Variants in U2SURP observed in about 807,000 individuals in gnomAD.
The protein encoded by U2SURP is U2 snRNP-associated SURP motif-containing protein.
A neutral mutation model predicts 144.9 loss-of-function variants in U2SURP; 9 were observed. That is an observed-to-expected ratio of 0.06 (90% confidence interval 0.04 to 0.11). U2SURP has a LOEUF of 0.11. Ranked by LOEUF, U2SURP falls within the 10% of genes least tolerant of loss-of-function variation. The pLI is 1.00. For synonymous variants in U2SURP, 408 were observed against 396.8 expected, an observed-to-expected ratio of 1.03 and a Z score of -0.33; for missense variants, 724 against 1,226.7, an observed-to-expected ratio of 0.59 and a Z score of 6.12.
chr3:143,050,617 T>C (rs2045306), intron 24 of U2SURP, among the ~76,000 whole-genome samples: 102,617 of 152,014 alleles, frequency 0.68, 34,848 homozygotes, highest in African/African-American at 0.75. Flanking sequence ...ATGCTGGCAG[T>C]GTGCGTGTCT....
At position 143,052,078 on chromosome 3, in the gene U2SURP, T is replaced by A. The variant is rs539576862; in HGVS notation, c.2655+1029T>A. ...TCTATATATTTGGAAAAAAGATAAA[T>A]GAGATTTTGTAAAAGATGCTACTTA... On this transcript the variant is annotated intron_variant, in intron 25 of 27. Coordinates refer to ENST00000473835, the MANE Select transcript of U2SURP (RefSeq NM_001080415.2). 2.6e-5 allele frequency among the ~76,000 whole-genome samples: 4 copies of A among 152,132 alleles called. No homozygotes were observed. In the East Asian group the frequency reaches 7.7e-4, roughly 29 times the overall value.
In U2SURP at chr3:143,055,118, A is replaced by G; in HGVS notation, c.2950A>G (p.Arg984Gly). ...TAGAGATGTTAGCAAAAAAGCCAAA[A>G]GGTAAATGCAAGTCATTTTTGCTAA... is the stretch of plus-strand genomic sequence containing the variant. ...SPRDVSKKAKRSPSGSRTPKR... is the reference protein window; with the variant it reads ...SPRDVSKKAKGSPSGSRTPKR... The change falls in exon 27 of 28, where the codon AGA becomes GGA. Residue 984 changes from arginine to glycine, a missense_variant and splice_region_variant. Transcript: ENST00000473835. The G allele has an allele frequency of 6.3e-7, 1 of 1,580,446 alleles. No individual in the cohort carries two copies. The highest frequency in any genetic ancestry group is 8.6e-7 in the Non-Finnish European group (1 of 1,167,632).
chr3:143,054,895 C>A (rs758497325), intron 26 of U2SURP, 48 bp from the exon 27 acceptor site: 3 of 1,497,454 alleles, frequency 2.0e-6, no homozygotes, highest in African/African-American at 1.4e-5. Flanking sequence ...AAATGAATAC[C>A]CGATCCTTTG....
At chr3:143,031,973 A>G (rs1479739905) in intron 16 of U2SURP, among the ~76,000 whole-genome samples, 1 of 152,192 alleles carries the variant, frequency 6.6e-6, no homozygotes, top group Non-Finnish European at 1.5e-5. Context: ...ACTGGAATAC[A>G]GTCAATTCCC....
intron 3 of U2SURP, among the ~76,000 whole-genome samples, chr3:143,013,140 T>C (rs571308481): frequency 6.6e-6 from 1 of 152,138 alleles, no homozygotes; most frequent in East Asian, 1.9e-4. Flanking sequence ...TAGTTTCCTT[T>C]GCCACATCTC....
intron 24 of U2SURP, among the ~76,000 whole-genome samples, chr3:143,045,450 G>T (rs1578163040): frequency 2.0e-5 from 3 of 149,922 alleles, no homozygotes; most frequent in African/African-American, 7.4e-5. Flanking sequence ...GAGTTAAATA[G>T]AAGTGTATTT....
chr3:143,043,578 T>G (rs898800421), intron 24 of U2SURP, among the ~76,000 whole-genome samples: 3 of 152,148 alleles, frequency 2.0e-5, no homozygotes, highest in African/African-American at 7.2e-5. Context: ...GCTTGCTTAT[T>G]TAATGTCTGT....
rs961762309 is a variant in U2SURP at position 143,016,171 on chromosome 3, G to T, written c.322-86G>T. Reference sequence around the variant, plus strand: ...CTTAACCTGGGAAGGGAGGGTTTTCGTCCATATTATTCCTTGATGAATTTA... The same window carrying T: ...CTTAACCTGGGAAGGGAGGGTTTTCTTCCATATTATTCCTTGATGAATTTA... On this transcript the variant is annotated intron_variant, in intron 4 of 27. Transcript: ENST00000473835. 6 of 1,177,258 alleles carry T rather than the reference G, an allele frequency of 5.1e-6. No homozygotes were observed. The African/African-American group carries it at 9.2e-5, about 18-fold the overall frequency. The allele number at this position is 1,177,258 out of a possible 1,614,324, so 72.9% of individuals were successfully genotyped here.
At chr3:143,020,817 T>C in intron 8 of U2SURP, 124 bp downstream of exon 8, 1 of 670,002 alleles carries the variant, frequency 1.5e-6, no homozygotes. Context: ...TATACTATCC[T>C]TTTCCTTACA....
chr3:143,001,766 G>T (rs1935537785), intron 1 of U2SURP, 93 bp downstream of exon 1: 1 of 1,540,190 alleles, frequency 6.5e-7, no homozygotes, highest in Admixed American at 1.9e-5. Context: ...GATTGGGATT[G>T]GGGTCTGCAT....
chr3:143,050,019 A>T (rs1424314222), intron 24 of U2SURP, among the ~76,000 whole-genome samples: 2 of 152,080 alleles, frequency 1.3e-5, no homozygotes, highest in Non-Finnish European at 2.9e-5. Context: ...AATATCTTGT[A>T]AAATACCTTT....
At chr3:143,038,997 C>A (rs1933956777) in intron 23 of U2SURP, 37 bp downstream of exon 23, 4 of 1,301,796 alleles carry the variant, frequency 3.1e-6, no homozygotes, top group African/African-American at 3.1e-5. Flanking sequence ...GTTTCTTGTT[C>A]ATATACACTC....
At chr3:143,051,602 C>CAAAAAAAAAAAAAAAAAAAA (rs3041537) in intron 25 of U2SURP, among the ~76,000 whole-genome samples, 1 of 90,624 alleles carries the variant, frequency 1.1e-5, no homozygotes, top group Non-Finnish European at 2.1e-5. Context: ...ACTGTCGTTG[C>CAAAAAAAAAAAAAAAAAAAA]AAAAAAAAAA....
intron 16 of U2SURP, among the ~76,000 whole-genome samples, chr3:143,029,778 A>G (rs994704408): frequency 2.6e-5 from 4 of 152,244 alleles, no homozygotes; most frequent in African/African-American, 7.2e-5. Flanking sequence ...CAAGTTATCA[A>G]TGCAAAGGAA....
intron 20 of U2SURP, among the ~76,000 whole-genome samples, chr3:143,036,346 A>G (rs1353494237): frequency 1.3e-5 from 2 of 149,326 alleles, no homozygotes; most frequent in Non-Finnish European, 1.5e-5. Flanking sequence ...ATGATATAAG[A>G]GTTATGATAT....
chr3:143,032,119 C>A (rs753397353), intron 16 of U2SURP, among the ~76,000 whole-genome samples: 21 of 151,586 alleles, frequency 1.4e-4, no homozygotes, highest in Non-Finnish European at 2.9e-4. Context: ...GTCACCCAGG[C>A]TGGCATGCAG....
Position 143,027,267 on chromosome 3 carries a change from AAAAAT to A in U2SURP, c.1379+15_1379+19del. On this transcript the variant is annotated intron_variant, in intron 14 of 27. Coordinates refer to ENST00000473835, the MANE Select transcript of U2SURP (RefSeq NM_001080415.2). ...TCCTATGTTCAGGTGTGCATTTTTT[AAAAAT>A]TGTGAAATATATGTAACATAAAATT... 1 of 1,593,176 alleles carries A rather than the reference AAAAAT, an allele frequency of 6.3e-7. No individual in the cohort carries two copies. Among genetic ancestry groups the A allele is most frequent in the Non-Finnish European group, 8.6e-7 (1 of 1,162,452 alleles).
chr3:143,041,876 G>A (rs1934128840), intron 23 of U2SURP, among the ~76,000 whole-genome samples: 1 of 151,780 alleles, frequency 6.6e-6, no homozygotes, highest in African/African-American at 2.4e-5. Context: ...AGTCAACATT[G>A]TTTGTAAGGA....
chr3:143,027,311 AT>A (rs2108289222), intron 14 of U2SURP, 58 bp downstream of exon 14: 2 of 1,319,196 alleles, frequency 1.5e-6, no homozygotes, highest in East Asian at 2.4e-5. Context: ...CATTTTAACT[AT>A]TTTTAAGTAT....
Sources: allele counts gnomAD v4.1 joint callset (sites outside exome capture counted in the v4.1 genomes callset), GRCh38; gene constraint gnomAD v4.1.1; transcripts MANE v1.5; gene names NCBI Gene and HGNC (gene_info 2026-07-23, HGNC 2026-07-21).